The following TAFA2 variants were observed in gnomAD, a reference collection of about 807,000 sequenced individuals.
The protein encoded by TAFA2 is chemokine-like protein TAFA-2.
TAFA2 carries 7 observed loss-of-function variants against 18.8 expected under a neutral mutation model. The observed-to-expected ratio is 0.37, with a 90% CI of 0.21 to 0.70. TAFA2 has a LOEUF of 0.70. Ranked by LOEUF, TAFA2 falls within the 30% of genes least tolerant of loss-of-function variation. The probability of loss-of-function intolerance (pLI) is 0.53; values close to 1 mark genes in which losing one functional copy is unlikely to be tolerated. For missense variants in TAFA2, 122 were observed against 158.1 expected, an observed-to-expected ratio of 0.77 and a Z score of 1.23; for synonymous variants, 60 against 54.2, an observed-to-expected ratio of 1.11 and a Z score of -0.47.
chr12:62,016,146 T>G (rs1004061198), intron 1 of TAFA2, among the ~76,000 whole-genome samples: 2 of 152,200 alleles, frequency 1.3e-5, no homozygotes, highest in African/African-American at 4.8e-5. Context: ...ACCATGCACA[T>G]GTACAGAACT....
intron 1 of TAFA2, among the ~76,000 whole-genome samples, chr12:61,978,233 TA>T (rs1271086924): frequency 6.6e-6 from 1 of 152,088 alleles, no homozygotes; most frequent in Non-Finnish European, 1.5e-5. Context: ...ATTTGCTCAA[TA>T]AAATTAATTC....
At chr12:61,756,233 C>G (rs1481077620) in intron 2 of TAFA2, among the ~76,000 whole-genome samples, 1 of 152,088 alleles carries the variant, frequency 6.6e-6, no homozygotes, top group African/African-American at 2.4e-5. Context: ...GTGTAACATA[C>G]AGCTTTGACA....
At chr12:61,786,661 G>A (rs1028456585) in intron 2 of TAFA2, among the ~76,000 whole-genome samples, 4 of 151,316 alleles carry the variant, frequency 2.6e-5, no homozygotes, top group South Asian at 2.1e-4. Context: ...AACACCTAGG[G>A]ATGAAAACTA....
chr12:61,714,647 G>A (rs939772020), intron 4 of TAFA2, among the ~76,000 whole-genome samples: 9 of 152,110 alleles, frequency 5.9e-5, no homozygotes, highest in African/African-American at 2.2e-4. Context: ...TTGAAATTAG[G>A]TGAACTCAAT....
chr12:62,160,553 A>G (rs2062399791), intron 1 of TAFA2, among the ~76,000 whole-genome samples: 1 of 152,158 alleles, frequency 6.6e-6, no homozygotes, highest in Non-Finnish European at 1.5e-5. Context: ...ATGTTGCTAA[A>G]TGTGAAGGAG....
In TAFA2 at chr12:62,244,546, T is replaced by C. The variant is rs116305693; in HGVS notation, c.-130+14217A>G. Among the ~76,000 whole-genome samples the C allele has an allele frequency of 7.5e-3, 1,150 of 152,324 alleles. 16 individuals carry two copies. The highest frequency in any genetic ancestry group is 0.027 in the African/African-American group (1,116 of 41,574). On this transcript the variant is annotated intron_variant, in intron 1 of 5. Coordinates refer to the TAFA2 transcript ENST00000551619. ...ATGCTCTAATCAGTATACTTGGGTA[T>C]GTTTCCTTCTGGATATCTGAAGAAG...
intron 2 of TAFA2, among the ~76,000 whole-genome samples, chr12:61,772,756 C>T (rs1028303109): frequency 1.3e-5 from 2 of 151,808 alleles, no homozygotes; most frequent in Non-Finnish European, 2.9e-5. Flanking sequence ...CAGTATTATA[C>T]TGAACGGGGA....
At chr12:62,198,684 A>G (rs575696507) in intron 1 of TAFA2, among the ~76,000 whole-genome samples, 20 of 152,346 alleles carry the variant, frequency 1.3e-4, no homozygotes, top group Admixed American at 1.0e-3. Flanking sequence ...GTTTTTTAAA[A>G]ACATTTACAG....
At chr12:62,079,478 C>T (rs924540765) in intron 1 of TAFA2, among the ~76,000 whole-genome samples, 3 of 150,054 alleles carry the variant, frequency 2.0e-5, no homozygotes, top group African/African-American at 7.5e-5. Context: ...CATGGTGAAA[C>T]CCCGTCTCTA....
At chr12:61,986,847 T>A (rs368185528) in intron 1 of TAFA2, among the ~76,000 whole-genome samples, 3 of 152,072 alleles carry the variant, frequency 2.0e-5, no homozygotes, top group South Asian at 4.1e-4. Context: ...GAACATAACA[T>A]TATATAAATA....
chr12:61,714,938 G>A (rs7488724), intron 4 of TAFA2, among the ~76,000 whole-genome samples: 130,288 of 152,206 alleles, frequency 0.86, 55,743 homozygotes, highest in African/African-American at 0.88. Flanking sequence ...CCCAGGTTCA[G>A]ATCCTTGCCT....
At chr12:62,234,829 C>G in intron 1 of TAFA2, 2 of 1,031,454 alleles carry the variant, frequency 1.9e-6, no homozygotes, top group Non-Finnish European at 3.0e-6. Context: ...GGCTGACTTA[C>G]GAGAGTCCTG....
chr12:62,147,565 TA>T (rs1469634941), intron 1 of TAFA2, among the ~76,000 whole-genome samples: 8 of 148,868 alleles, frequency 5.4e-5, no homozygotes, highest in Middle Eastern at 3.4e-3. Context: ...TTGTCTCTAC[TA>T]AAAAATACAA....
chr12:62,036,063 T>C (rs967434670), intron 1 of TAFA2, among the ~76,000 whole-genome samples: 4 of 152,244 alleles, frequency 2.6e-5, no homozygotes, highest in Admixed American at 2.6e-4. Context: ...TTTGGTGACC[T>C]GTCCTGAATA....
chr12:61,936,304 T>C (rs919994071), intron 1 of TAFA2, among the ~76,000 whole-genome samples: 1 of 151,996 alleles, frequency 6.6e-6, no homozygotes, highest in African/African-American at 2.4e-5. Context: ...CAGTTGCTAA[T>C]GCCTGTAATC....
At chr12:61,726,287 T>C (rs1870163839) in intron 4 of TAFA2, among the ~76,000 whole-genome samples, 1 of 152,040 alleles carries the variant, frequency 6.6e-6, no homozygotes, top group Non-Finnish European at 1.5e-5. Flanking sequence ...TGGTGGTATT[T>C]AGATGGGAAT....
chr12:62,012,106 C>A (rs533808387), intron 1 of TAFA2, among the ~76,000 whole-genome samples: 1 of 152,198 alleles, frequency 6.6e-6, no homozygotes, highest in African/African-American at 2.4e-5. Flanking sequence ...TCTGTAATTT[C>A]TAAGGCTTAA....
At chr12:62,169,456 A>G (rs1565768387) in intron 1 of TAFA2, among the ~76,000 whole-genome samples, 1 of 152,214 alleles carries the variant, frequency 6.6e-6, no homozygotes, top group Non-Finnish European at 1.5e-5. Context: ...TGTGCCTTAA[A>G]TACGTATTTA....
chr12:61,722,758 T>C (rs1869964676), intron 4 of TAFA2, among the ~76,000 whole-genome samples: 1 of 152,092 alleles, frequency 6.6e-6, no homozygotes, highest in Non-Finnish European at 1.5e-5. Flanking sequence ...CAGTTTCTAA[T>C]CATCTTTCTA....
Sources: gnomAD v4.1 joint callset for allele counts (sites outside exome capture counted in the v4.1 genomes callset) on GRCh38, gnomAD v4.1.1 for gene constraint, MANE v1.5 for transcripts, NCBI Gene and HGNC (gene_info 2026-07-23, HGNC 2026-07-21) for gene names.